The following RBFOX1 variants were observed in gnomAD, a reference collection of about 807,000 sequenced individuals.
The protein encoded by RBFOX1 is RNA binding fox-1 homolog 1, also known as RNA binding protein fox-1 homolog 1.
Under a neutral mutation model 57.7 loss-of-function variants are expected in RBFOX1, and 8 were observed. That is an observed-to-expected ratio of 0.14 (90% confidence interval 0.08 to 0.25). RBFOX1 has a LOEUF of 0.25. RBFOX1 is among the 10% of genes least tolerant of loss of function. The probability of loss-of-function intolerance (pLI) is 1.00; values close to 1 mark genes in which losing one functional copy is unlikely to be tolerated. For synonymous variants in RBFOX1, 326 were observed against 222.4 expected (o/e 1.47, Z -4.15); for missense variants, 611 against 548.5 (o/e 1.11, Z -1.14).
intron 1 of RBFOX1, among the ~76,000 whole-genome samples, chr16:6,152,328 CT>C (rs1316383879): frequency 6.6e-6 from 1 of 152,066 alleles, no homozygotes; most frequent in Non-Finnish European, 1.5e-5. Flanking sequence ...TGCTCTCTGT[CT>C]TTCTCTCTCT....
intron 10 of RBFOX1, among the ~76,000 whole-genome samples, chr16:7,610,954 C>T (rs979432202): frequency 7.3e-6 from 1 of 136,882 alleles, no homozygotes; most frequent in Non-Finnish European, 1.7e-5. Flanking sequence ...GAGTGTGCCT[C>T]AAAGCTGAAA....
At chr16:5,582,842 C>T (rs2046717292) in intron 2 of RBFOX1, among the ~76,000 whole-genome samples, 3 of 152,158 alleles carry the variant, frequency 2.0e-5, no homozygotes, top group African/African-American at 7.2e-5. Context: ...GCCTGGGTGA[C>T]AGATTTTAGA....
At position 5,587,821 on chromosome 16, in the gene RBFOX1, A is replaced by G. The variant is rs150984426; in HGVS notation, c.259-11081A>G. On this transcript the variant is annotated intron_variant, in intron 2 of 2. Coordinates refer to the RBFOX1 transcript ENST00000585867. ...CAGAGAGTTCCTCAAATATTAAGCAAAGAGTTGTCGTATAAGCCAGAAATT... is the reference window on the plus strand; with the variant it reads ...CAGAGAGTTCCTCAAATATTAAGCAGAGAGTTGTCGTATAAGCCAGAAATT... Among the ~76,000 whole-genome samples the G allele has an allele frequency of 5.1e-3, 774 of 152,304 alleles. 6 individuals carry two copies. Among genetic ancestry groups the G allele is most frequent in the Middle Eastern group, 0.01 (3 of 294 alleles).
chr16:6,913,613 A>T (rs542061089), intron 3 of RBFOX1, among the ~76,000 whole-genome samples: 4 of 152,102 alleles, frequency 2.6e-5, no homozygotes, highest in Non-Finnish European at 5.9e-5. Flanking sequence ...TCCCAGAGCA[A>T]CTCAAGCCCT....
rs143977418 is a variant in RBFOX1, at chr16:6,994,797, C to T, written c.-15-57260C>T. On this transcript the variant is annotated intron_variant, in intron 3 of 15. Transcript: ENST00000550418. The stretch of plus-strand genomic sequence containing the variant: ...TTTATATATGTTACCGACCAAATTG[C>T]ATGGAAACGATTTGCTTTCAGAGAC... Among the ~76,000 whole-genome samples the T allele has an allele frequency of 3.9e-5, 6 of 152,270 alleles. No homozygotes were observed. In the East Asian group the frequency reaches 5.8e-4, roughly 15 times the overall value.
intron 3 of RBFOX1, among the ~76,000 whole-genome samples, chr16:6,806,794 T>TTA (rs1417105773): frequency 2.6e-5 from 3 of 114,664 alleles, no homozygotes; most frequent in East Asian, 2.2e-4. Flanking sequence ...TCCTTTTCAT[T>TTA]TATATATATA....
chr16:5,442,004 A>C (rs971463933), intron 1 of RBFOX1, among the ~76,000 whole-genome samples: 14 of 152,168 alleles, frequency 9.2e-5, no homozygotes, highest in African/African-American at 3.4e-4. Context: ...ACTATCCCTG[A>C]ATGTAGGAAA....
At chr16:7,187,494 C>A (rs1364096898) in intron 4 of RBFOX1, among the ~76,000 whole-genome samples, 3 of 151,416 alleles carry the variant, frequency 2.0e-5, no homozygotes, top group East Asian at 2.0e-4. Context: ...TCGAGACCAT[C>A]CTGGCTAACA....
chr16:7,466,361 G>C (rs999793624), intron 4 of RBFOX1, among the ~76,000 whole-genome samples: 4 of 152,098 alleles, frequency 2.6e-5, no homozygotes, highest in African/African-American at 9.7e-5. Flanking sequence ...CCAAGCTAGC[G>C]CTTCTAACTG....
chr16:7,480,022 C>T (rs1449199804), intron 4 of RBFOX1, among the ~76,000 whole-genome samples: 1 of 152,190 alleles, frequency 6.6e-6, no homozygotes, highest in East Asian at 1.9e-4. Flanking sequence ...ATGTTCCCCA[C>T]CGATGTCCAT....
intron 4 of RBFOX1, among the ~76,000 whole-genome samples, chr16:7,339,773 G>A (rs1047496741): frequency 2.6e-5 from 4 of 152,134 alleles, no homozygotes; most frequent in African/African-American, 7.2e-5. Flanking sequence ...TTTTGTCTGC[G>A]ATGAAGAAAA....
intron 1 of RBFOX1, among the ~76,000 whole-genome samples, chr16:6,148,308 C>T (rs1362704556): frequency 1.3e-5 from 2 of 152,238 alleles, no homozygotes; most frequent in African/African-American, 2.4e-5. Flanking sequence ...GCCTGGGCGA[C>T]GGAGTGAGAC....
intron 4 of RBFOX1, among the ~76,000 whole-genome samples, chr16:7,188,248 A>G (rs2084417240): frequency 6.6e-6 from 1 of 152,230 alleles, no homozygotes; most frequent in African/African-American, 2.4e-5. Context: ...GAAATAGTCC[A>G]TGGCTGCAGA....
intron 4 of RBFOX1, among the ~76,000 whole-genome samples, chr16:6,002,989 G>A (rs762548632): frequency 5.3e-5 from 8 of 152,142 alleles, no homozygotes; most frequent in Non-Finnish European, 7.4e-5. Flanking sequence ...CACAAGAAAT[G>A]GGAGGGAAGA....
At position 6,378,860 on chromosome 16, in the gene RBFOX1, C is replaced by T. The variant is rs1031948205; in HGVS notation, c.-64+61803C>T. On this transcript the variant is annotated intron_variant, in intron 2 of 15. Transcript: ENST00000550418. ...ATTACTCTTCCTAGAGTGTGCAAAA[C>T]GGATTGCAGGGATGGTGAGAGGTGG... Among the ~76,000 whole-genome samples the T allele has an allele frequency of 2.0e-5, 3 of 151,940 alleles. No homozygotes were observed. The East Asian group carries it at 5.8e-4, about 29-fold the overall frequency.
chr16:7,303,474 C>T (rs1203371693), intron 4 of RBFOX1, among the ~76,000 whole-genome samples: 8 of 152,248 alleles, frequency 5.3e-5, no homozygotes, highest in Non-Finnish European at 5.9e-5. Context: ...TCCAGCTCGC[C>T]TGATGCCGGG....
intron 1 of RBFOX1, among the ~76,000 whole-genome samples, chr16:6,241,521 A>T (rs2097539916): frequency 6.6e-6 from 1 of 152,228 alleles, no homozygotes; most frequent in South Asian, 2.1e-4. Flanking sequence ...CCTCGTAAGT[A>T]ATTTCTATGA....
chr16:6,278,748 TGG>T (rs1306532008), intron 1 of RBFOX1, among the ~76,000 whole-genome samples: 1 of 151,988 alleles, frequency 6.6e-6, no homozygotes, highest in Non-Finnish European at 1.5e-5. Flanking sequence ...GCAGAGTAGG[TGG>T]GGGGTTATTT....
intron 4 of RBFOX1, among the ~76,000 whole-genome samples, chr16:7,381,496 TC>T (rs66596071): frequency 0.22 from 33,181 of 150,930 alleles, 4,141 homozygotes; most frequent in African/African-American, 0.35. Context: ...CATACATCGT[TC>T]CCCCCCGCCT....
Sources: gnomAD v4.1 joint callset for allele counts (sites outside exome capture counted in the v4.1 genomes callset) on GRCh38, gnomAD v4.1.1 for gene constraint, MANE v1.5 for transcripts, NCBI Gene and HGNC (gene_info 2026-07-23, HGNC 2026-07-21) for gene names.